DMD: variants seen among roughly 807,000 people sequenced by gnomAD.
DMD encodes the protein dystrophin.
Under a neutral mutation model 330.1 loss-of-function variants are expected in DMD, and 63 were observed. The observed-to-expected ratio is 0.19, with a 90% CI of 0.16 to 0.24. The LOEUF is 0.24. DMD is among the 10% of genes least tolerant of loss of function. The pLI, the probability that DMD is intolerant of heterozygous loss-of-function variation, is 1.00. For synonymous variants in DMD, 1,223 were observed against 959.8 expected (o/e 1.27, Z -5.07); for missense variants, 3,344 against 2,684.1 (o/e 1.25, Z -5.43).
intron 2 of DMD, among the ~76,000 whole-genome samples, chrX:32,921,665 A>G (rs2088422739): frequency 9.0e-6 from 1 of 111,695 alleles, no homozygotes; most frequent in African/African-American, 3.3e-5. Flanking sequence ...ACATAATAGG[A>G]GAAACAATTT....
intron 44 of DMD, among the ~76,000 whole-genome samples, chrX:32,041,685 A>G (rs1313353501): frequency 9.0e-6 from 1 of 110,888 alleles, no homozygotes. Context: ...CTCTACTGTC[A>G]AATGATAGCC....
At chrX:31,561,063 T>C (rs1394622704) in intron 55 of DMD, among the ~76,000 whole-genome samples, 1 of 112,028 alleles carries the variant, frequency 8.9e-6, no homozygotes, top group Non-Finnish European at 1.9e-5. Context: ...GCCCTGTTCT[T>C]AGACACGGCC....
intron 2 of DMD, among the ~76,000 whole-genome samples, chrX:33,017,629 T>C (rs1027759468): frequency 9.0e-6 from 1 of 111,431 alleles, no homozygotes; most frequent in Non-Finnish European, 1.9e-5. Flanking sequence ...ATTTATATAG[T>C]GTACTAGTAA....
chrX:32,419,708 T>C (rs899117788), intron 29 of DMD, among the ~76,000 whole-genome samples: 4 of 112,173 alleles, frequency 3.6e-5, no homozygotes, highest in African/African-American at 1.3e-4. Context: ...AGAATATAAA[T>C]GTGAAAACTC....
intron 51 of DMD, among the ~76,000 whole-genome samples, chrX:31,749,591 C>A (rs764781015): frequency 1.8e-5 from 2 of 110,645 alleles, no homozygotes; most frequent in Admixed American, 1.9e-4. Context: ...GTAAATAGTG[C>A]CTCAATAAAC....
chrX:33,246,778 C>T (rs906429168), intron 1 of DMD, among the ~76,000 whole-genome samples: 7 of 110,593 alleles, frequency 6.3e-5, no homozygotes, highest in Admixed American at 1.9e-4. Context: ...GTCCACCTTC[C>T]GGGTTCAAGA....
intron 1 of DMD, among the ~76,000 whole-genome samples, chrX:33,181,174 C>T (rs936600882): frequency 2.7e-5 from 3 of 110,954 alleles, no homozygotes; most frequent in Admixed American, 9.6e-5. Context: ...GTTTCAGCAC[C>T]TCAGTTGCCT....
intron 49 of DMD, among the ~76,000 whole-genome samples, chrX:31,825,726 T>C (rs746515386): frequency 4.2e-4 from 47 of 111,858 alleles, no homozygotes; most frequent in Non-Finnish European, 8.1e-4. Flanking sequence ...ATTGATGTGA[T>C]AACGACACCC....
At chrX:32,902,928 G>A (rs912839753) in intron 2 of DMD, among the ~76,000 whole-genome samples, 3 of 108,765 alleles carry the variant, frequency 2.8e-5, no homozygotes, top group Admixed American at 9.8e-5. Context: ...AGGCCAAGGC[G>A]GGTGGATCAC....
chrX:32,469,070 C>T (rs1377263783), intron 22 of DMD, among the ~76,000 whole-genome samples: 1 of 110,331 alleles, frequency 9.1e-6, no homozygotes, highest in East Asian at 2.9e-4. Flanking sequence ...ATTAATTATA[C>T]TGAGCTTTCA....
In DMD at chrX:32,309,824, C is replaced by T. The variant is rs751704556; in HGVS notation, c.6117+258G>A. Among the ~76,000 whole-genome samples, 68 of 111,294 alleles carry T rather than the reference C, an allele frequency of 6.1e-4. 1 individual carries two copies. Among genetic ancestry groups the T allele is most frequent in the African/African-American group, 2.0e-3 (63 of 30,783 alleles). Reference sequence around the variant, plus strand: ...TGGTGGTTCCTTTCTGTCCCTACTGCATGTAAAAATGATCATTTTTGTGCA... The same window carrying T: ...TGGTGGTTCCTTTCTGTCCCTACTGTATGTAAAAATGATCATTTTTGTGCA... On this transcript the variant is annotated intron_variant, in intron 42 of 78. Transcript: ENST00000357033.
At position 31,247,567 on chromosome X, in the gene DMD, C is replaced by T. The variant is rs373114502; in HGVS notation, c.9286+13388G>A. ...AGTGAGCCTAGATCACGCCACTGCA[C>T]TCCAGCCTGGACAACATAGCAAGAC... On this transcript the variant is annotated intron_variant, in intron 63 of 78. Coordinates refer to ENST00000357033, the MANE Select transcript of DMD (RefSeq NM_004006.3). Among the ~76,000 whole-genome samples the T allele has an allele frequency of 3.9e-5, 4 of 101,719 alleles. No individual in the cohort carries two copies. The East Asian group carries it at 1.2e-3, about 31-fold the overall frequency. The allele number at this position is 101,719 out of a possible 115,157, so 88.3% of individuals were successfully genotyped here. A position where few individuals can be genotyped will look rare whatever the true frequency, so the allele number is the denominator to read the frequency against.
intron 18 of DMD, among the ~76,000 whole-genome samples, chrX:32,512,054 G>A (rs2148763624): frequency 9.0e-6 from 1 of 111,512 alleles, no homozygotes; most frequent in African/African-American, 3.3e-5. Flanking sequence ...ATACTAAAAT[G>A]GGTAACCTAA....
At chrX:32,131,669 T>C in intron 44 of DMD, among the ~76,000 whole-genome samples, 2 of 112,458 alleles carry the variant, frequency 1.8e-5, no homozygotes, top group Middle Eastern at 4.7e-3. Flanking sequence ...AAAAACCCTT[T>C]AAAACTAAGA....
At chrX:32,900,723 A>G (rs1414715519) in intron 2 of DMD, among the ~76,000 whole-genome samples, 1 of 111,207 alleles carries the variant, frequency 9.0e-6, no homozygotes, top group Non-Finnish European at 1.9e-5. Flanking sequence ...TGTAAATCTT[A>G]TATGTACATC....
chrX:31,866,987 A>C (rs1422502465), intron 48 of DMD, among the ~76,000 whole-genome samples: 2 of 110,611 alleles, frequency 1.8e-5, no homozygotes, highest in East Asian at 5.6e-4. Flanking sequence ...TTGATCAAAA[A>C]TGAGTTGTAG....
chrX:32,511,545 A>AG (rs1363315539), intron 18 of DMD, among the ~76,000 whole-genome samples: 1 of 107,686 alleles, frequency 9.3e-6, no homozygotes, highest in Non-Finnish European at 1.9e-5. Flanking sequence ...AAAAAAAAAA[A>AG]AAGAAAAGAA....
In DMD at chrX:31,121,656, T is replaced by TA; in HGVS notation, c.*262dup. Reference sequence around the variant, plus strand: ...TTTTTTGTACAATTGCATAGACGTGTAAAACCTGCCATTGTTAACAAAACA... The same window carrying TA: ...TTTTTTGTACAATTGCATAGACGTGTAAAAACCTGCCATTGTTAACAAAACA... On this transcript the variant is annotated 3_prime_UTR_variant, in exon 79 of 79. Transcript: ENST00000357033. The TA allele has an allele frequency of 2.3e-6, 1 of 429,462 alleles. No individual in the cohort carries two copies. The highest frequency in any genetic ancestry group is 4.0e-6 in the Non-Finnish European group (1 of 248,117). The allele number at this position is 429,462 out of a possible 1,213,427, so 35.4% of individuals were successfully genotyped here. A position where few individuals can be genotyped will look rare whatever the true frequency, so the allele number is the denominator to read the frequency against.
intron 44 of DMD, among the ~76,000 whole-genome samples, chrX:32,207,344 G>A (rs1056571855): frequency 1.8e-5 from 2 of 111,285 alleles, no homozygotes; most frequent in African/African-American, 6.5e-5. Context: ...CGTCCATCAT[G>A]TGATGACATA....
Sources: allele counts gnomAD v4.1 joint callset (sites outside exome capture counted in the v4.1 genomes callset), GRCh38; gene constraint gnomAD v4.1.1; transcripts MANE v1.5; gene names NCBI Gene and HGNC (gene_info 2026-07-23, HGNC 2026-07-21).